Variants in DPP6 observed in about 807,000 individuals in gnomAD.
The protein encoded by DPP6 is A-type potassium channel modulatory protein DPP6.
In DPP6, 69 loss-of-function variants were observed where a neutral mutation model predicts 122.6. That is an observed-to-expected ratio of 0.56 (90% confidence interval 0.46 to 0.69). The LOEUF (loss-of-function observed/expected upper bound fraction) is 0.69. Among genes scored for constraint, DPP6 ranks in the 30% least tolerant of loss-of-function variants. The pLI is 0.00. For missense variants in DPP6, 928 were observed against 1,116.9 expected (o/e 0.83, Z 2.41); for synonymous variants, 418 against 433.1 (o/e 0.97, Z 0.43).
intron 1 of DPP6, among the ~76,000 whole-genome samples, chr7:154,298,268 C>CCACACACACACACACACACACACACACA (rs773227930): frequency 1.2e-4 from 18 of 150,454 alleles, no homozygotes; most frequent in Admixed American, 3.3e-4. Flanking sequence ...CTCTCTCTCT[C>CCACACACACACACACACACACACACACA]CACACACACA....
the DPP6 span, among the ~76,000 whole-genome samples, chr7:153,812,178 C>T: frequency 6.6e-6 from 1 of 152,132 alleles, no homozygotes; most frequent in Non-Finnish European, 1.5e-5. Flanking sequence ...TATTTGTCTT[C>T]TTGAAGGAAA....
chr7:154,401,217 C>A (rs78859371), intron 1 of DPP6, among the ~76,000 whole-genome samples: 17,070 of 144,528 alleles, frequency 0.12, 1,315 homozygotes, highest in African/African-American at 0.22. Flanking sequence ...AAAACAAAAA[C>A]AAAAAAAAAA....
At chr7:154,106,363 T>G (rs1806161126) in intron 1 of DPP6, among the ~76,000 whole-genome samples, 1 of 117,166 alleles carries the variant, frequency 8.5e-6, no homozygotes, top group Non-Finnish European at 1.7e-5. Flanking sequence ...ATATCCTTGG[T>G]GCGTGTTTAT....
At chr7:154,766,407 G>A (rs1795902565) in intron 8 of DPP6, among the ~76,000 whole-genome samples, 1 of 152,074 alleles carries the variant, frequency 6.6e-6, no homozygotes, top group African/African-American at 2.4e-5. Context: ...AACCTCCCAG[G>A]TTCAAGTAAT....
chr7:154,751,660 G>T (rs537523837), intron 8 of DPP6, among the ~76,000 whole-genome samples: 2 of 151,264 alleles, frequency 1.3e-5, no homozygotes, highest in Non-Finnish European at 2.9e-5. Context: ...TGTCATCTCC[G>T]TCATCTCCTA....
At chr7:153,762,792 TAATAA>T in the DPP6 span, among the ~76,000 whole-genome samples, 93 of 151,832 alleles carry the variant, frequency 6.1e-4, no homozygotes, top group South Asian at 2.7e-3. Flanking sequence ...AAAAAAATAA[TAATAA>T]AATAAAATAA....
intron 1 of DPP6, among the ~76,000 whole-genome samples, chr7:153,934,823 T>C (rs1801351662): frequency 1.3e-5 from 2 of 152,316 alleles, no homozygotes; most frequent in South Asian, 4.1e-4. Flanking sequence ...GGAGACTGTC[T>C]GTGAGCTGCA....
intron 1 of DPP6, among the ~76,000 whole-genome samples, chr7:154,214,209 A>T (rs1321646784): frequency 6.6e-6 from 1 of 152,248 alleles, no homozygotes. Flanking sequence ...TGGGGATTTC[A>T]AGACCAAAGG....
intron 1 of DPP6, among the ~76,000 whole-genome samples, chr7:153,944,832 T>G (rs945715595): frequency 2.0e-5 from 3 of 152,072 alleles, no homozygotes; most frequent in African/African-American, 7.2e-5. Context: ...GGTTTCACCA[T>G]GTTAACCAGG....
At position 153,960,377 on chromosome 7, in the gene DPP6, C is replaced by G. The variant is rs1416720287; in HGVS notation, c.51+72643C>G. ...ATTCAAAGGCCTAGTTTTAGTTGGA[C>G]AAAAACACATTGGTCACATTCTTAA... On this transcript the variant is annotated intron_variant, in intron 1 of 25. Coordinates refer to the DPP6 transcript ENST00000404039. 2.6e-5 allele frequency among the ~76,000 whole-genome samples: 4 copies of G among 152,128 alleles called. No individual in the cohort carries two copies. In the East Asian group the frequency reaches 7.7e-4, roughly 29 times the overall value.
intron 1 of DPP6, among the ~76,000 whole-genome samples, chr7:154,297,386 G>A (rs996447258): frequency 6.6e-6 from 1 of 152,096 alleles, no homozygotes; most frequent in African/African-American, 2.4e-5. Context: ...ATAAGAAGGG[G>A]GCCAGGTTTG....
chr7:153,871,357 C>T, the DPP6 span, among the ~76,000 whole-genome samples: 30 of 152,282 alleles, frequency 2.0e-4, no homozygotes, highest in South Asian at 2.1e-4. Flanking sequence ...ATGGTGGGCG[C>T]CCCTCCCCCA....
At chr7:153,773,264 CGTGTGTGTGTGTGTGT>C in the DPP6 span, among the ~76,000 whole-genome samples, 1 of 132,458 alleles carries the variant, frequency 7.5e-6, no homozygotes. Context: ...TCTTTTCTTT[CGTGTGTGTGTGTGTGT>C]GTGTGTGTGT....
At chr7:154,346,290 TTCTC>T (rs1227793512) in intron 1 of DPP6, among the ~76,000 whole-genome samples, 2 of 152,100 alleles carry the variant, frequency 1.3e-5, no homozygotes, top group Non-Finnish European at 1.5e-5. Context: ...TTTACAGTGA[TTCTC>T]TCTTTCATCT....
chr7:153,760,500 A>G, the DPP6 span, among the ~76,000 whole-genome samples: 1,877 of 152,220 alleles, frequency 0.012, 41 homozygotes, highest in African/African-American at 0.043. Context: ...GGATATTCGA[A>G]TATTCCTAAA....
At chr7:153,859,552 G>A in the DPP6 span, among the ~76,000 whole-genome samples, 1 of 152,180 alleles carries the variant, frequency 6.6e-6, no homozygotes, top group Non-Finnish European at 1.5e-5. Context: ...GGGCATTTGA[G>A]TGCTGGCTTT....
the DPP6 span, among the ~76,000 whole-genome samples, chr7:153,827,429 T>C: frequency 0.89 from 135,073 of 152,090 alleles, 60,138 homozygotes; most frequent in African/African-American, 0.94. Flanking sequence ...AAATGTAAGA[T>C]GACTCTGAAA....
chr7:154,044,450 C>G (rs1366631511), intron 1 of DPP6, among the ~76,000 whole-genome samples: 2 of 152,090 alleles, frequency 1.3e-5, no homozygotes, highest in African/African-American at 4.8e-5. Context: ...GCACTGATAC[C>G]TCCTGTGTGG....
intron 5 of DPP6, among the ~76,000 whole-genome samples, chr7:154,586,200 T>C (rs1832434770): frequency 6.6e-6 from 1 of 152,078 alleles, no homozygotes; most frequent in African/African-American, 2.4e-5. Context: ...TGAGGTGTCT[T>C]GTTGAGACCG....
Sources: allele counts gnomAD v4.1 joint callset (sites outside exome capture counted in the v4.1 genomes callset), GRCh38; gene constraint gnomAD v4.1.1; transcripts MANE v1.5; gene names NCBI Gene and HGNC (gene_info 2026-07-23, HGNC 2026-07-21).